The following CSMD1 variants were observed in gnomAD, a reference collection of about 807,000 sequenced individuals.
CSMD1 encodes CUB and Sushi multiple domains 1, also known as CUB and sushi domain-containing protein 1.
CSMD1 carries 213 observed loss-of-function variants against 417.5 expected under a neutral mutation model. The observed-to-expected ratio is 0.51, with a 90% confidence interval of 0.46 to 0.57. The LOEUF is 0.57. CSMD1 is among the 20% of genes least tolerant of loss of function. The pLI, the probability that CSMD1 is intolerant of heterozygous loss-of-function variation, is 0.00. For synonymous variants in CSMD1, 2,862 were observed against 1,736.8 expected, an observed-to-expected ratio of 1.65 and a Z score of -16.11; for missense variants, 6,923 against 4,529.7, an observed-to-expected ratio of 1.53 and a Z score of -15.17.
intron 2 of CSMD1, among the ~76,000 whole-genome samples, chr8:4,623,962 T>C (rs908704590): frequency 3.9e-5 from 6 of 152,102 alleles, no homozygotes; most frequent in Non-Finnish European, 5.9e-5. Context: ...ATTTAAAATT[T>C]TCAATATCTG....
rs1797167593 is a variant in CSMD1 at position 3,513,588 on chromosome 8, A to C, written c.1345-19862T>G. ...TGGGAGAATCCTGATTAATACACTAATCCTACGCAATGCCCCAGAAAACAT... is the reference window on the plus strand; with the variant it reads ...TGGGAGAATCCTGATTAATACACTACTCCTACGCAATGCCCCAGAAAACAT... On this transcript the variant is annotated intron_variant, in intron 10 of 69. Transcript: ENST00000635120. Among the ~76,000 whole-genome samples the C allele has an allele frequency of 2.6e-5, 4 of 152,098 alleles. 1 individual carries two copies. The highest frequency in any genetic ancestry group is 2.6e-4 in the Admixed American group (4 of 15,274).
intron 5 of CSMD1, among the ~76,000 whole-genome samples, chr8:3,775,807 T>C (rs1255629686): frequency 6.6e-6 from 1 of 152,216 alleles, no homozygotes; most frequent in African/African-American, 2.4e-5. Flanking sequence ...GCTGATGTCA[T>C]CATGGGGTCC....
intron 1 of CSMD1, among the ~76,000 whole-genome samples, chr8:4,674,398 G>T (rs1563116518): frequency 6.6e-6 from 1 of 152,154 alleles, no homozygotes; most frequent in African/African-American, 2.4e-5. Flanking sequence ...TCTGAAGAAG[G>T]TAAAGGCAAG....
intron 54 of CSMD1, among the ~76,000 whole-genome samples, chr8:2,991,529 T>C (rs1806385998): frequency 6.6e-6 from 1 of 152,200 alleles, no homozygotes; most frequent in Non-Finnish European, 1.5e-5. Flanking sequence ...AACATTTCTT[T>C]AAAAAACAAC....
chr8:3,902,768 T>C (rs542093064), intron 5 of CSMD1, among the ~76,000 whole-genome samples: 253 of 152,216 alleles, frequency 1.7e-3, no homozygotes, highest in African/African-American at 5.5e-3. Flanking sequence ...TTGTATCAAA[T>C]AGAGTAGAGC....
chr8:3,338,825 T>A lies in CSMD1; in HGVS notation c.3631+4469A>T, dbSNP rs868725927. ...CTCCAGCCTTTCTTTTTTTTTTTTT[T>A]AAATTTTTATTTTTATATTTTTAAT... On this transcript the variant is annotated intron_variant, in intron 23 of 69. Coordinates refer to ENST00000635120, the MANE Select transcript of CSMD1 (RefSeq NM_033225.6). Among the ~76,000 whole-genome samples, 141 of 147,762 alleles carry A rather than the reference T, an allele frequency of 9.5e-4. 2 individuals are homozygous for A. In the Middle Eastern group the frequency reaches 0.011, roughly 11 times the overall value.
intron 3 of CSMD1, among the ~76,000 whole-genome samples, chr8:4,305,035 G>A (rs528449752): frequency 6.6e-6 from 1 of 152,198 alleles, no homozygotes; most frequent in Non-Finnish European, 1.5e-5. Flanking sequence ...CCCCACGTTA[G>A]AGTCCCTTTT....
chr8:4,122,693 A>C (rs1302833501), intron 3 of CSMD1, among the ~76,000 whole-genome samples: 1 of 152,198 alleles, frequency 6.6e-6, no homozygotes, highest in African/African-American at 2.4e-5. Context: ...GCAGCTGGGC[A>C]TGGCTAAATG....
chr8:3,897,333 T>A (rs763179342), intron 5 of CSMD1, among the ~76,000 whole-genome samples: 4 of 152,206 alleles, frequency 2.6e-5, no homozygotes, highest in Non-Finnish European at 5.9e-5. Context: ...GGGTCAGGTT[T>A]CTCTTATAAG....
chr8:4,299,160 A>T (rs1585184911), intron 3 of CSMD1, among the ~76,000 whole-genome samples: 1 of 152,194 alleles, frequency 6.6e-6, no homozygotes, highest in East Asian at 1.9e-4. Flanking sequence ...GCTTTTCTTC[A>T]AAAAAGAAAC....
chr8:4,749,117 T>C (rs1563284992), intron 1 of CSMD1, among the ~76,000 whole-genome samples: 1 of 152,258 alleles, frequency 6.6e-6, no homozygotes, highest in Non-Finnish European at 1.5e-5. Flanking sequence ...TTTGCTAATT[T>C]CACTGCCACA....
chr8:4,276,646 T>C (rs1796502983), intron 3 of CSMD1, among the ~76,000 whole-genome samples: 1 of 152,194 alleles, frequency 6.6e-6, no homozygotes, highest in African/African-American at 2.4e-5. Flanking sequence ...AAGTAGTGAT[T>C]CAAAGTCTTA....
At chr8:4,743,926 A>C (rs190207772) in intron 1 of CSMD1, among the ~76,000 whole-genome samples, 448 of 152,308 alleles carry the variant, frequency 2.9e-3, no homozygotes, top group Non-Finnish European at 4.5e-3. Context: ...GAAGTTTATA[A>C]ACCACAGCAC....
At chr8:3,206,680 G>A (rs911445105) in intron 30 of CSMD1, among the ~76,000 whole-genome samples, 4 of 149,300 alleles carry the variant, frequency 2.7e-5, no homozygotes, top group Admixed American at 1.3e-4. Flanking sequence ...CTGTGTGTGT[G>A]TGTATATGTG....
At chr8:3,341,249 C>T (rs1807622762) in intron 23 of CSMD1, among the ~76,000 whole-genome samples, 1 of 152,128 alleles carries the variant, frequency 6.6e-6, no homozygotes, top group African/African-American at 2.4e-5. Context: ...CATACGGTCA[C>T]ACGGCTCTGG....
At chr8:4,324,240 C>T (rs908334380) in intron 3 of CSMD1, among the ~76,000 whole-genome samples, 6 of 152,216 alleles carry the variant, frequency 3.9e-5, no homozygotes, top group Non-Finnish European at 5.9e-5. Context: ...GATTTCCCTA[C>T]ACCAAGAATG....
chr8:4,409,619 T>C (rs531292236), intron 3 of CSMD1, among the ~76,000 whole-genome samples: 2 of 148,350 alleles, frequency 1.3e-5, no homozygotes, highest in East Asian at 2.0e-4. Context: ...AGAGTATAGA[T>C]TCATCATTAT....
At chr8:3,035,605 G>C (rs982914524) in intron 50 of CSMD1, among the ~76,000 whole-genome samples, 2 of 152,208 alleles carry the variant, frequency 1.3e-5, no homozygotes, top group African/African-American at 2.4e-5. Flanking sequence ...CTAGCATACA[G>C]ATATCAAATG....
chr8:4,458,773 G>T lies in CSMD1; in HGVS notation c.303-38708C>A, dbSNP rs150315586. Reference sequence around the variant, plus strand: ...CAAAAACATTTTATGCATTGAATAAGATAACGGTTAGGAATATTTAATTTT... The same window carrying T: ...CAAAAACATTTTATGCATTGAATAATATAACGGTTAGGAATATTTAATTTT... On this transcript the variant is annotated intron_variant, in intron 2 of 69. Coordinates refer to ENST00000635120, the MANE Select transcript of CSMD1 (RefSeq NM_033225.6). Among the ~76,000 whole-genome samples, 758 of 152,192 alleles carry T rather than the reference G, an allele frequency of 5.0e-3. 4 individuals carry two copies. The highest frequency in any genetic ancestry group is 0.018 in the African/African-American group (736 of 41,506).
Sources: allele counts gnomAD v4.1 joint callset (sites outside exome capture counted in the v4.1 genomes callset), GRCh38; gene constraint gnomAD v4.1.1; transcripts MANE v1.5; gene names NCBI Gene and HGNC (gene_info 2026-07-23, HGNC 2026-07-21).